The following UBE2K variants were observed in gnomAD, a reference collection of about 807,000 sequenced individuals.
The protein encoded by UBE2K is ubiquitin conjugating enzyme E2 K.
Under a neutral mutation model 30.0 loss-of-function variants are expected in UBE2K, and 6 were observed. The observed-to-expected ratio is 0.20, with a 90% CI of 0.11 to 0.39. UBE2K has a LOEUF of 0.39. Among genes scored for constraint, UBE2K ranks in the 10% least tolerant of loss-of-function variants. The pLI is 1.00. For missense variants in UBE2K, 61 were observed against 241.6 expected (o/e 0.25, Z 4.96); for synonymous variants, 86 against 83.7 (o/e 1.03, Z -0.15).
chr4:39,747,959 G>A (rs1455304103), intron 3 of UBE2K, among the ~76,000 whole-genome samples: 1 of 151,934 alleles, frequency 6.6e-6, no homozygotes, highest in Non-Finnish European at 1.5e-5. Context: ...CCGCCACCAA[G>A]CCCAGCTAAT....
intron 1 of UBE2K, among the ~76,000 whole-genome samples, chr4:39,731,238 CA>C (rs1720058348): frequency 6.5e-5 from 3 of 46,050 alleles, no homozygotes; most frequent in African/African-American, 5.9e-4. Context: ...TTTAAATTTA[CA>C]TAGTGGCTTA....
At chr4:39,755,513 A>G (rs1721479602) in intron 3 of UBE2K, 144 bp from the exon 4 acceptor site, 1 of 601,408 alleles carries the variant, frequency 1.7e-6, no homozygotes, top group Non-Finnish European at 2.9e-6. Context: ...TTTGTCTTCT[A>G]CACCCCTTCT....
chr4:39,698,262 G>T lies in UBE2K; in HGVS notation c.-66G>T. The T allele has an allele frequency of 6.7e-7, 1 of 1,493,488 alleles. No homozygotes were observed. The highest frequency in any genetic ancestry group is 9.2e-7 in the Non-Finnish European group (1 of 1,084,664). The allele number at this position is 1,493,488 out of a possible 1,614,324, so 92.5% of individuals were successfully genotyped here. On this transcript the variant is annotated 5_prime_UTR_variant, in exon 1 of 7. Transcript: ENST00000261427. Reference sequence around the variant, plus strand: ...GGGAGGAGGCGGTGGAGGAAGAGGTGGCGGCGGTGGCGGTGGTCGTAGCGG... The same window carrying T: ...GGGAGGAGGCGGTGGAGGAAGAGGTTGCGGCGGTGGCGGTGGTCGTAGCGG...
intron 1 of UBE2K, among the ~76,000 whole-genome samples, chr4:39,727,392 C>G (rs1719813627): frequency 6.6e-6 from 1 of 152,072 alleles, no homozygotes; most frequent in Non-Finnish European, 1.5e-5. Context: ...ACAGGATACA[C>G]CACAGTCACC....
intron 1 of UBE2K, chr4:39,714,538 A>ATTTTTTT: frequency 4.5e-5 from 1 of 22,232 alleles, no homozygotes; most frequent in Non-Finnish European, 6.9e-5. Flanking sequence ...ATATATATAT[A>ATTTTTTT]TATATATATA....
intron 1 of UBE2K, among the ~76,000 whole-genome samples, chr4:39,700,038 A>G (rs1243806229): frequency 2.0e-5 from 3 of 152,286 alleles, no homozygotes; most frequent in Middle Eastern, 3.4e-3. Context: ...GTTGCCAACA[A>G]CTGAAAACAT....
intron 1 of UBE2K, among the ~76,000 whole-genome samples, chr4:39,707,512 T>C (rs1718434404): frequency 6.7e-6 from 1 of 149,800 alleles, no homozygotes; most frequent in South Asian, 2.1e-4. Context: ...TATGACTGTA[T>C]GAGGGAGGTT....
At chr4:39,770,228 T>C in intron 4 of UBE2K, 3 of 1,611,784 alleles carry the variant, frequency 1.9e-6, no homozygotes, top group Non-Finnish European at 1.7e-6. Flanking sequence ...AGGGCTGCGC[T>C]CCCGAGTGCA....
At chr4:39,771,499 T>G in intron 4 of UBE2K, 10 of 1,463,386 alleles carry the variant, frequency 6.8e-6, no homozygotes, top group Non-Finnish European at 6.3e-6. Flanking sequence ...TCCCCTATTT[T>G]CCCCACCCCC....
chr4:39,725,951 T>TA (rs199694229), intron 1 of UBE2K, among the ~76,000 whole-genome samples: 25 of 151,934 alleles, frequency 1.6e-4, no homozygotes, highest in African/African-American at 5.8e-4. Flanking sequence ...CCTTTTTTTT[T>TA]AAAATAGTAT....
At chr4:39,702,226 CTTT>C (rs1277061547) in intron 1 of UBE2K, among the ~76,000 whole-genome samples, 1 of 90,824 alleles carries the variant, frequency 1.1e-5, no homozygotes, top group African/African-American at 3.3e-5. Context: ...CTTTTCTTTT[CTTT>C]TCTTTTTTTT....
At position 39,712,368 on chromosome 4, in the gene UBE2K, ATT is replaced by A. The variant is rs60301036; in HGVS notation, c.63+14004_63+14005del. On this transcript the variant is annotated intron_variant, in intron 1 of 6. Transcript: ENST00000261427. ...AGGCACCCGCCACTGCGCCCGGCCA[ATT>A]TTTTTTTTTTTTTTTTTTTTTTTTT... Among the ~76,000 whole-genome samples the A allele has an allele frequency of 4.3e-3, 229 of 53,604 alleles. 7 individuals carry two copies. Among genetic ancestry groups the A allele is most frequent in the South Asian group, 0.012 (15 of 1,268 alleles). 35.2% of individuals were successfully genotyped at this position (53,604 alleles called of 152,430 possible).
intron 3 of UBE2K, among the ~76,000 whole-genome samples, chr4:39,749,808 A>G (rs1159457112): frequency 1.3e-5 from 2 of 152,256 alleles, no homozygotes; most frequent in East Asian, 1.9e-4. Flanking sequence ...TCATCTGTAC[A>G]TGCATATTCA....
intron 2 of UBE2K, among the ~76,000 whole-genome samples, chr4:39,744,906 C>CCA (rs1203584363): frequency 2.9e-4 from 22 of 77,004 alleles, no homozygotes; most frequent in African/African-American, 1.1e-3. Context: ...GACTCTGTCT[C>CCA]AAAAAAAAAA....
intron 1 of UBE2K, among the ~76,000 whole-genome samples, chr4:39,732,848 G>A (rs1215922443): frequency 6.6e-6 from 1 of 151,540 alleles, no homozygotes; most frequent in Non-Finnish European, 1.5e-5. Flanking sequence ...GTTAATTTTT[G>A]TATTTGTAGT....
At chr4:39,739,438 ATTCATTTT>A (rs1303522449) in intron 2 of UBE2K, among the ~76,000 whole-genome samples, 1 of 137,326 alleles carries the variant, frequency 7.3e-6, no homozygotes, top group Admixed American at 7.3e-5. Flanking sequence ...AATTCTGTTT[ATTCATTTT>A]TTTTTTTTTT....
At chr4:39,744,656 C>T (rs1560362774) in intron 2 of UBE2K, among the ~76,000 whole-genome samples, 1 of 150,880 alleles carries the variant, frequency 6.6e-6, no homozygotes, top group Admixed American at 6.6e-5. Flanking sequence ...CCTGTGATCC[C>T]AGCACTTTGG....
chr4:39,763,291 ACCC>A (rs367816038), intron 4 of UBE2K, among the ~76,000 whole-genome samples: 23 of 141,144 alleles, frequency 1.6e-4, no homozygotes, highest in East Asian at 1.1e-3. Flanking sequence ...CGCTCTTGTT[ACCC>A]GGGCTGGAGT....
intron 1 of UBE2K, among the ~76,000 whole-genome samples, chr4:39,723,045 T>C (rs1219562811): frequency 6.6e-6 from 1 of 151,082 alleles, no homozygotes; most frequent in Non-Finnish European, 1.5e-5. Context: ...CTCTCTTTTT[T>C]CTTTAATTTT....
Sources: gnomAD v4.1 joint callset for allele counts (sites outside exome capture counted in the v4.1 genomes callset) on GRCh38, gnomAD v4.1.1 for gene constraint, MANE v1.5 for transcripts, NCBI Gene and HGNC (gene_info 2026-07-23, HGNC 2026-07-21) for gene names.